CNTN5: variants seen among roughly 807,000 people sequenced by gnomAD.
CNTN5 encodes the protein contactin 5, also known as contactin-5.
A neutral mutation model predicts 129.1 loss-of-function variants in CNTN5; 77 were observed. That is an observed-to-expected ratio of 0.60 (90% confidence interval 0.50 to 0.72). CNTN5 has a LOEUF of 0.72. Ranked by LOEUF, CNTN5 falls within the 30% of genes least tolerant of loss-of-function variation. The pLI is 0.00. For missense variants in CNTN5, 1,478 were observed against 1,328.8 expected (o/e 1.11, Z -1.75); for synonymous variants, 509 against 465.6 (o/e 1.09, Z -1.20).
At chr11:99,935,843 CAGACTACTAGTTAGTCTTCTGT>C (rs1425928396) in intron 7 of CNTN5, among the ~76,000 whole-genome samples, 7 of 152,202 alleles carry the variant, frequency 4.6e-5, no homozygotes, top group Non-Finnish European at 7.4e-5. Context: ...TTTAAGTTGC[CAGACTACTAGTTAGTCTTCTGT>C]AGAGGAGGTT....
At chr11:99,324,799 G>A (rs1156901127) in intron 1 of CNTN5, among the ~76,000 whole-genome samples, 1 of 151,842 alleles carries the variant, frequency 6.6e-6, no homozygotes, top group African/African-American at 2.4e-5. Context: ...CCTCCACCAC[G>A]CCCAGCTACT....
chr11:99,972,381 T>C (rs532680476), intron 8 of CNTN5, among the ~76,000 whole-genome samples: 10 of 152,314 alleles, frequency 6.6e-5, no homozygotes, highest in African/African-American at 2.2e-4. Context: ...TCCAGAATTG[T>C]GTAAGGTGAA....
intron 6 of CNTN5, among the ~76,000 whole-genome samples, chr11:99,899,209 C>G (rs1196418437): frequency 1.3e-5 from 2 of 151,926 alleles, no homozygotes; most frequent in Non-Finnish European, 2.9e-5. Flanking sequence ...AATTTGGATG[C>G]CTTTTATTTC....
At chr11:99,649,195 T>C (rs1952071024) in intron 3 of CNTN5, among the ~76,000 whole-genome samples, 1 of 150,446 alleles carries the variant, frequency 6.6e-6, no homozygotes, top group South Asian at 2.1e-4. Context: ...AAATAAATAA[T>C]ATTGAAAAAT....
At chr11:99,431,772 G>C (rs2135107001) in intron 2 of CNTN5, among the ~76,000 whole-genome samples, 1 of 152,296 alleles carries the variant, frequency 6.6e-6, no homozygotes, top group Non-Finnish European at 1.5e-5. Context: ...CAATCCACAG[G>C]AACAATCTGT....
In CNTN5 at chr11:99,639,559, GTTT is replaced by G. The variant is rs71050010; in HGVS notation, c.55+83311_55+83313del. The stretch of plus-strand genomic sequence containing the variant: ...TTAACAGCACCCAAGTCACCTTTAT[GTTT>G]TTTTTTTTTTTTTTTTTTTTGAGAC... On this transcript the variant is annotated intron_variant, in intron 3 of 24. Coordinates refer to ENST00000524871, the MANE Select transcript of CNTN5 (RefSeq NM_014361.4). Among the ~76,000 whole-genome samples the G allele has an allele frequency of 8.7e-3, 608 of 70,288 alleles. 23 individuals carry two copies. In the East Asian group the frequency reaches 0.2, roughly 23 times the overall value. The allele number at this position is 70,288 out of a possible 152,430, so 46.1% of individuals were successfully genotyped here. A position where few individuals can be genotyped will look rare whatever the true frequency, so the allele number is the denominator to read the frequency against.
At chr11:99,159,042 C>T (rs1445313912) in intron 1 of CNTN5, among the ~76,000 whole-genome samples, 2 of 152,124 alleles carry the variant, frequency 1.3e-5, no homozygotes, top group African/African-American at 4.8e-5. Context: ...TGTCCACTTA[C>T]TGAAACTGAA....
chr11:99,110,270 C>G (rs1224979300), intron 1 of CNTN5, among the ~76,000 whole-genome samples: 1 of 152,064 alleles, frequency 6.6e-6, no homozygotes, highest in Admixed American at 6.6e-5. Context: ...CATGATAATT[C>G]TGCAGAATTA....
intron 7 of CNTN5, among the ~76,000 whole-genome samples, chr11:99,943,526 T>C (rs1460182471): frequency 6.6e-6 from 1 of 152,206 alleles, no homozygotes; most frequent in Non-Finnish European, 1.5e-5. Flanking sequence ...GTGTAGCAGC[T>C]CTTTAGTTTA....
chr11:99,134,850 A>G (rs551272318), intron 1 of CNTN5, among the ~76,000 whole-genome samples: 6 of 152,232 alleles, frequency 3.9e-5, no homozygotes, highest in South Asian at 2.1e-4. Context: ...TGATTATGCA[A>G]TGTACTAGGT....
intron 1 of CNTN5, among the ~76,000 whole-genome samples, chr11:99,040,747 C>G (rs774302750): frequency 6.6e-6 from 1 of 152,054 alleles, no homozygotes; most frequent in East Asian, 1.9e-4. Context: ...ATTCAAGGAA[C>G]AAAATCTTGC....
chr11:99,577,673 T>G (rs1018660958), intron 3 of CNTN5, among the ~76,000 whole-genome samples: 1 of 152,076 alleles, frequency 6.6e-6, no homozygotes, highest in Admixed American at 6.6e-5. Flanking sequence ...TTAAAAGAGT[T>G]TGTGGGACTA....
At chr11:100,105,648 G>A (rs559949678) in intron 13 of CNTN5, among the ~76,000 whole-genome samples, 5 of 152,146 alleles carry the variant, frequency 3.3e-5, no homozygotes, top group Non-Finnish European at 7.3e-5. Flanking sequence ...TGCCTTTGAT[G>A]AGTATCCAGG....
In CNTN5 at chr11:99,057,785, A is replaced by AGTGTGTGTGTGTGT. The variant is rs67721084; in HGVS notation, c.-210+36534_-210+36547dup. ...ATAAGTAAGTGAAACATGAAACATAAGTGTGTGTGTGTGTGTGTGTGTGTG... is the reference window on the plus strand; with the variant it reads ...ATAAGTAAGTGAAACATGAAACATAAGTGTGTGTGTGTGTGTGTGTGTGTGTGTGTGTGTGTGTG... On this transcript the variant is annotated intron_variant, in intron 1 of 24. Coordinates refer to ENST00000524871, the MANE Select transcript of CNTN5 (RefSeq NM_014361.4). 2.8e-4 allele frequency among the ~76,000 whole-genome samples: 41 copies of AGTGTGTGTGTGTGT among 145,018 alleles called. No homozygotes were observed. The East Asian group carries it at 3.5e-3, about 12-fold the overall frequency.
intron 6 of CNTN5, among the ~76,000 whole-genome samples, chr11:99,883,923 A>C (rs925883192): frequency 1.3e-5 from 2 of 152,330 alleles, no homozygotes; most frequent in East Asian, 1.9e-4. Flanking sequence ...CTTTTCCAGA[A>C]AGGAATGTTA....
At chr11:100,197,835 G>A (rs1948685248) in intron 15 of CNTN5, among the ~76,000 whole-genome samples, 1 of 151,946 alleles carries the variant, frequency 6.6e-6, no homozygotes, top group Non-Finnish European at 1.5e-5. Context: ...CACTAGAGAA[G>A]AATTGCCCTT....
At chr11:100,072,102 TA>T (rs993517610) in intron 12 of CNTN5, among the ~76,000 whole-genome samples, 4 of 152,138 alleles carry the variant, frequency 2.6e-5, no homozygotes, top group Admixed American at 6.5e-5. Context: ...CTATAGCACT[TA>T]AAAAAATCAT....
intron 1 of CNTN5, among the ~76,000 whole-genome samples, chr11:99,217,723 C>T (rs1488595357): frequency 3.9e-5 from 6 of 152,062 alleles, no homozygotes; most frequent in African/African-American, 9.7e-5. Context: ...TTTTCACATG[C>T]TTGTACCATT....
At chr11:99,469,609 A>G (rs772544160) in intron 2 of CNTN5, among the ~76,000 whole-genome samples, 7 of 152,144 alleles carry the variant, frequency 4.6e-5, no homozygotes, top group Non-Finnish European at 1.0e-4. Context: ...TATGCATACT[A>G]TTGAGTTTAA....
Sources: allele counts gnomAD v4.1 joint callset (sites outside exome capture counted in the v4.1 genomes callset), GRCh38; gene constraint gnomAD v4.1.1; transcripts MANE v1.5; gene names NCBI Gene and HGNC (gene_info 2026-07-23, HGNC 2026-07-21).